MRPL3: variants seen among roughly 807,000 people sequenced by gnomAD.
The protein encoded by MRPL3 is mitochondrial ribosomal protein L3.
MRPL3 carries 43 observed loss-of-function variants against 44.3 expected under a neutral mutation model. That is an observed-to-expected ratio of 0.97 (90% CI 0.76 to 1.25). MRPL3 has a LOEUF of 1.25. MRPL3 is among the 50% of genes most tolerant of loss of function. The probability of loss-of-function intolerance (pLI) is 0.00; values close to 1 mark genes in which losing one functional copy is unlikely to be tolerated. For synonymous variants in MRPL3, 171 were observed against 152.3 expected (o/e 1.12, Z -0.91); for missense variants, 406 against 427.6 (o/e 0.95, Z 0.45).
At chr3:131,469,578 C>T in intron 8 of MRPL3, 118 bp downstream of exon 8, 1 of 650,318 alleles carries the variant, frequency 1.5e-6, no homozygotes, top group Non-Finnish European at 2.6e-6. Context: ...TCCTCTTTTC[C>T]TCAATAATTT....
intron 5 of MRPL3, among the ~76,000 whole-genome samples, chr3:131,489,634 T>C (rs892419901): frequency 1.3e-5 from 2 of 152,110 alleles, no homozygotes; most frequent in Non-Finnish European, 2.9e-5. Context: ...TTTTCTCCAG[T>C]TCTTCTACCT....
intron 6 of MRPL3, among the ~76,000 whole-genome samples, chr3:131,471,852 G>C (rs1367617220): frequency 6.6e-6 from 1 of 152,164 alleles, no homozygotes; most frequent in Non-Finnish European, 1.5e-5. Flanking sequence ...GGCTCTGAAG[G>C]AAGCCAACTT....
intron 9 of MRPL3, among the ~76,000 whole-genome samples, chr3:131,467,848 G>C (rs1358765911): frequency 2.0e-5 from 3 of 152,024 alleles, no homozygotes; most frequent in Admixed American, 2.0e-4. Flanking sequence ...TGGTTTGAAA[G>C]AAATAGAATA....
rs138104842 is a variant in MRPL3 at position 131,483,276 on chromosome 3, T to C, written c.629+4404A>G. ...GTAGGGGCAGGGAGAAAAGACATCA[T>C]GATACATGCTAGTTTAAAGATTTTA... On this transcript the variant is annotated intron_variant, in intron 6 of 9. Transcript: ENST00000264995. 2.6e-3 allele frequency among the ~76,000 whole-genome samples: 392 copies of C among 152,292 alleles called. 1 individual carries two copies. Among genetic ancestry groups the C allele is most frequent in the African/African-American group, 9.1e-3 (377 of 41,574 alleles).
At chr3:131,500,565 C>A (rs1004063432) in intron 2 of MRPL3, 44 bp from the exon 3 acceptor site, 1 of 1,476,876 alleles carries the variant, frequency 6.8e-7, no homozygotes, top group Non-Finnish European at 9.4e-7. Flanking sequence ...GCTTTTGCAA[C>A]ATTCACCAAC....
chr3:131,477,023 C>G (rs192193679), intron 6 of MRPL3, among the ~76,000 whole-genome samples: 1 of 151,972 alleles, frequency 6.6e-6, no homozygotes, highest in Non-Finnish European at 1.5e-5. Context: ...TAATGTTTCC[C>G]GCTGAATTCT....
chr3:131,488,276 T>G (rs1461813056), intron 5 of MRPL3, among the ~76,000 whole-genome samples: 8 of 152,154 alleles, frequency 5.3e-5, no homozygotes, highest in Admixed American at 5.2e-4. Flanking sequence ...GTTCTCCAGT[T>G]CATGCCTAGA....
intron 6 of MRPL3, among the ~76,000 whole-genome samples, chr3:131,480,578 G>A (rs1342128093): frequency 1.3e-5 from 2 of 152,126 alleles, no homozygotes; most frequent in Admixed American, 6.5e-5. Context: ...TCATTTAATA[G>A]TACAAAGAGT....
intron 5 of MRPL3, 76 bp from the exon 6 acceptor site, chr3:131,487,816 C>A (rs781267241): frequency 3.9e-5 from 46 of 1,167,494 alleles, no homozygotes; most frequent in Non-Finnish European, 5.5e-5. Flanking sequence ...TAAACTATAT[C>A]CAGGAAGGCT....
Position 131,502,930 on chromosome 3 carries a change from T to C in MRPL3, c.-109A>G. On this transcript the variant is annotated 5_prime_UTR_variant, in exon 1 of 10. Coordinates refer to ENST00000264995, the MANE Select transcript of MRPL3 (RefSeq NM_007208.4). ...GGACGCAGTAGCCGTGGGGAAGTTTTCGCAATGGCCGCCGGAACGGTCGCC... is the reference window on the plus strand; with the variant it reads ...GGACGCAGTAGCCGTGGGGAAGTTTCCGCAATGGCCGCCGGAACGGTCGCC... 1.9e-6 allele frequency: 2 copies of C among 1,030,676 alleles called. No homozygotes were observed. The highest frequency in any genetic ancestry group is 3.0e-6 in the Non-Finnish European group (2 of 676,916). 63.8% of individuals were successfully genotyped at this position (1,030,676 alleles called of 1,614,324 possible).
chr3:131,465,877 TTTTC>T (rs1031305671), intron 9 of MRPL3, among the ~76,000 whole-genome samples: 12 of 148,406 alleles, frequency 8.1e-5, no homozygotes, highest in African/African-American at 3.0e-4. Flanking sequence ...TCAAATACAT[TTTTC>T]TTTTTCTCTC....
At chr3:131,500,601 C>G (rs1197117854) in intron 2 of MRPL3, 80 bp from the exon 3 acceptor site, 1 of 1,207,312 alleles carries the variant, frequency 8.3e-7, no homozygotes, top group Admixed American at 1.7e-5. Flanking sequence ...TTCCTAAAAT[C>G]AGGTTTCCGT....
chr3:131,486,050 T>C (rs912651204), intron 6 of MRPL3, among the ~76,000 whole-genome samples: 2 of 152,108 alleles, frequency 1.3e-5, no homozygotes, highest in African/African-American at 4.8e-5. Flanking sequence ...ATCTGATCTT[T>C]GACAAACTTG....
chr3:131,496,231 T>C (rs1934368349), intron 4 of MRPL3, among the ~76,000 whole-genome samples: 1 of 152,206 alleles, frequency 6.6e-6, no homozygotes. Flanking sequence ...TGAAGGCTGG[T>C]ACATAATAAA....
intron 4 of MRPL3, among the ~76,000 whole-genome samples, chr3:131,494,796 CTT>C (rs1482629000): frequency 2.6e-5 from 4 of 152,134 alleles, no homozygotes; most frequent in Non-Finnish European, 4.4e-5. Flanking sequence ...ATGTAAAAGA[CTT>C]TTTTCTTTTT....
At chr3:131,499,758 CAAT>C (rs908882317) in intron 3 of MRPL3, among the ~76,000 whole-genome samples, 3 of 151,782 alleles carry the variant, frequency 2.0e-5, no homozygotes, top group Non-Finnish European at 2.9e-5. Flanking sequence ...ATAATAACAA[CAAT>C]GATAATGATA....
At chr3:131,499,640 G>GT (rs1437310068) in intron 3 of MRPL3, among the ~76,000 whole-genome samples, 1 of 152,060 alleles carries the variant, frequency 6.6e-6, no homozygotes, top group East Asian at 1.9e-4. Context: ...TACATCACCT[G>GT]TATCATTACT....
chr3:131,470,430 C>G (rs1933714089), intron 7 of MRPL3, among the ~76,000 whole-genome samples: 1 of 152,152 alleles, frequency 6.6e-6, no homozygotes, highest in Non-Finnish European at 1.5e-5. Context: ...ACTTTTCCAT[C>G]AGCTGCTCTC....
intron 9 of MRPL3, among the ~76,000 whole-genome samples, chr3:131,467,255 TAC>T (rs756101728): frequency 2.2e-4 from 28 of 129,546 alleles, no homozygotes; most frequent in African/African-American, 4.8e-4. Context: ...CACACACACA[TAC>T]ACACACACAC....
Sources: allele counts gnomAD v4.1 joint callset (sites outside exome capture counted in the v4.1 genomes callset), GRCh38; gene constraint gnomAD v4.1.1; transcripts MANE v1.5; gene names NCBI Gene and HGNC (gene_info 2026-07-23, HGNC 2026-07-21).